NABP2: variants seen among roughly 807,000 people sequenced by gnomAD.
NABP2 encodes nucleic acid binding protein 2, also known as SOSS complex subunit B1.
NABP2 carries 7 observed loss-of-function variants against 22.7 expected under a neutral mutation model. The ratio of observed to expected loss-of-function variants is 0.31; its 90% CI spans 0.18 to 0.58. The LOEUF (loss-of-function observed/expected upper bound fraction) is 0.58, where lower values mean the gene tolerates loss of function less well. NABP2 is among the 20% of genes least tolerant of loss of function. The pLI is 0.89. For synonymous variants in NABP2, 107 were observed against 99.2 expected (o/e 1.08, Z -0.47); for missense variants, 188 against 265.9 (o/e 0.71, Z 2.04).
intron 2 of NABP2, 113 bp downstream of exon 2, chr12:56,225,048 T>C (rs1869698534): frequency 1.4e-5 from 11 of 785,488 alleles, no homozygotes; most frequent in Non-Finnish European, 2.3e-5. Flanking sequence ...TGCAAGACAC[T>C]CCTCACTCCC....
Position 56,224,910 on chromosome 12 carries a change from C to T in NABP2, c.54C>T (p.Asn18=), listed in dbSNP as rs757374730. 7 of 1,612,976 alleles carry T rather than the reference C, an allele frequency of 4.3e-6. No individual in the cohort carries two copies. In the South Asian group the frequency reaches 6.6e-5, roughly 15 times the overall value. ...KDIKPGLKNL[N]LIFIVLETGR... is the part of the protein sequence containing the mutation. ...TCAAGCCTGGGCTCAAGAATCTGAA[C>T]CTTATCTTCATTGTGCTGGAGACAG... is the stretch of plus-strand genomic sequence containing the variant. Residue 18 remains asparagine (N), a synonymous_variant, in exon 2 of 7, where the codon AAC becomes AAT. Coordinates refer to ENST00000267023, the MANE Select transcript of NABP2 (RefSeq NM_024068.4).
At chr12:56,224,541 C>T in intron 1 of NABP2, 100 bp downstream of exon 1, 1 of 1,188,136 alleles carries the variant, frequency 8.4e-7, no homozygotes, top group Non-Finnish European at 1.1e-6. Context: ...TACTCCCTGG[C>T]TGTGCACCGG....
intron 6 of NABP2, among the ~76,000 whole-genome samples, chr12:56,228,302 G>A (rs1302805045): frequency 1.3e-5 from 2 of 150,950 alleles, no homozygotes; most frequent in African/African-American, 4.9e-5. Context: ...TTTTTTTTAA[G>A]TGCCTCATAT....
At chr12:56,224,331 C>T, upstream of NABP2, 2 of 987,358 alleles carry the variant, frequency 2.0e-6, no homozygotes, top group Non-Finnish European at 2.4e-6. Flanking sequence ...GGGAAACTTC[C>T]GGGAATGTCC....
At chr12:56,225,989 A>T (rs1869742634) in intron 4 of NABP2, among the ~76,000 whole-genome samples, 190 bp from the exon 5 acceptor site, 1 of 151,820 alleles carries the variant, frequency 6.6e-6, no homozygotes, top group South Asian at 2.1e-4. Flanking sequence ...TTTTATAGGG[A>T]TGGGGTTTCG....
Position 56,229,087 on chromosome 12 carries a change from T to TTGGCCGCCCCC in NABP2, c.510_511insTGGCCGCCCCC (p.Pro171TrpfsTer66). 2 of 1,512,344 alleles carry TTGGCCGCCCCC rather than the reference T, an allele frequency of 1.3e-6. No homozygotes were observed. Among genetic ancestry groups the TTGGCCGCCCCC allele is most frequent in the Non-Finnish European group, 1.8e-6 (2 of 1,102,012 alleles). The allele number at this position is 1,512,344 out of a possible 1,614,324, so 93.7% of individuals were successfully genotyped here. A position where few individuals can be genotyped will look rare whatever the true frequency, so the allele number is the denominator to read the frequency against. On this transcript the variant is annotated frameshift_variant, in exon 7 of 7. Coordinates refer to ENST00000267023, the MANE Select transcript of NABP2 (RefSeq NM_024068.4). LOFTEE classifies it high-confidence loss of function. ...GTGGTGGCCCACATCCCCCTCATAC[T>TTGGCCGCCCCC]CCCTCCCACCCACCCAGCACCCGAA...
chr12:56,228,909 G>A (rs763408731), intron 6 of NABP2, 105 bp from the exon 7 acceptor site: 118 of 1,046,108 alleles, frequency 1.1e-4, no homozygotes, highest in Non-Finnish European at 1.6e-4. Context: ...ATGCAGTTGT[G>A]CATGGTGAAG....
Position 56,229,087 on chromosome 12 carries a change from T to TTCCCAACCC in NABP2, c.510_511insTCCCAACCC (p.Thr170_Pro171insSerGlnPro). ...GTGGTGGCCCACATCCCCCTCATAC[T>TTCCCAACCC]CCCTCCCACCCACCCAGCACCCGAA... On this transcript the variant is annotated inframe_insertion, in exon 7 of 7. Coordinates refer to ENST00000267023, the MANE Select transcript of NABP2 (RefSeq NM_024068.4). 1.3e-6 allele frequency: 2 copies of TTCCCAACCC among 1,512,346 alleles called. No individual in the cohort carries two copies. Among genetic ancestry groups the TTCCCAACCC allele is most frequent in the Non-Finnish European group, 1.8e-6 (2 of 1,102,014 alleles). The allele number at this position is 1,512,346 out of a possible 1,614,324, so 93.7% of individuals were successfully genotyped here.
chr12:56,227,045 C>G (rs982503895), intron 6 of NABP2, among the ~76,000 whole-genome samples: 9 of 147,926 alleles, frequency 6.1e-5, no homozygotes, highest in Non-Finnish European at 1.2e-4. Flanking sequence ...ATATCTTAGT[C>G]CAGTGGAGCA....
At chr12:56,223,537 A>C (rs1251276237), upstream of NABP2, 2 of 2,322 alleles carry the variant, frequency 8.6e-4, no homozygotes, top group South Asian at 0.091. Context: ...ACCCTGTTTC[A>C]AAAAAAAAAA....
rs1869662517 is a variant in NABP2, at chr12:56,224,451, G to T, written c.-24+10G>T. 1.9e-6 allele frequency: 2 copies of T among 1,035,172 alleles called. No individual in the cohort carries two copies. The highest frequency in any genetic ancestry group is 2.8e-4 in the Middle Eastern group (1 of 3,616). The allele number at this position is 1,035,172 out of a possible 1,614,324, so 64.1% of individuals were successfully genotyped here. A position where few individuals can be genotyped will look rare whatever the true frequency, so the allele number is the denominator to read the frequency against. ...CTGCCGGCTGGCTTGGGTGGGTGGT[G>T]GGCTGCGGGTAGGGGAGGGGATGGA... On this transcript the variant is annotated intron_variant, in intron 1 of 6. Transcript: ENST00000267023.
chr12:56,224,842 C>T lies in NABP2; in HGVS notation c.-15C>T. ...CTCTATTCCCCATCCAGTGGGGTGC[C>T]GAGGCTCAGGCAGCATGACGACGGA... is the stretch of plus-strand genomic sequence containing the variant. On this transcript the variant is annotated 5_prime_UTR_variant, in exon 2 of 7. Transcript: ENST00000267023. 3 of 1,613,104 alleles carry T rather than the reference C, an allele frequency of 1.9e-6. No individual in the cohort carries two copies. The highest frequency in any genetic ancestry group is 2.5e-6 in the Non-Finnish European group (3 of 1,179,764).
At chr12:56,223,779 A>G (rs1455740234), upstream of NABP2, 1 of 151,986 alleles carries the variant, frequency 6.6e-6, no homozygotes, top group Non-Finnish European at 1.5e-5. Flanking sequence ...TTTAAATATA[A>G]CTTCCGTTTT....
At chr12:56,226,557 C>CTTTTTTTTTTTTTTTT (rs10676451) in intron 6 of NABP2, 138 bp downstream of exon 6, 2 of 227,662 alleles carry the variant, frequency 8.8e-6, no homozygotes, top group Non-Finnish European at 1.5e-5. Flanking sequence ...TCCCAGACCC[C>CTTTTTTTTTTTTTTTT]TTTTTTTTTT....
At chr12:56,223,826 T>C (rs1869626743), upstream of NABP2, 1 of 152,206 alleles carries the variant, frequency 6.6e-6, no homozygotes, top group Admixed American at 6.5e-5. Context: ...TGTCTTTTTT[T>C]CCCTTTTTGT....
intron 1 of NABP2, 195 bp from the exon 2 acceptor site, chr12:56,224,639 C>A: frequency 9.5e-7 from 1 of 1,048,066 alleles, no homozygotes; most frequent in Non-Finnish European, 1.3e-6. Flanking sequence ...AGCCCCAAAG[C>A]AGCCTGTCCA....
At position 56,226,365 on chromosome 12, in the gene NABP2, G is replaced by A. The variant is rs372641205; in HGVS notation, c.382G>A (p.Asp128Asn). The A allele has an allele frequency of 5.6e-6, 9 of 1,613,868 alleles. No homozygotes were observed. The East Asian group carries it at 1.6e-4, about 28-fold the overall frequency. ...TAATCTGTGCCTTCAGGTGCAGAACGACAGCAACCCTTCAGCTTCCCAGCC... is the reference window on the plus strand; with the variant it reads ...TAATCTGTGCCTTCAGGTGCAGAACAACAGCAACCCTTCAGCTTCCCAGCC... The part of the protein sequence containing the change: ...QQAPNKAVQN[D>N]SNPSASQPTT... The change falls in exon 6 of 7, where the codon GAC (aspartate) becomes AAC (asparagine). Residue 128 changes from aspartate (D) to asparagine (N), a missense_variant. Physicochemically the swap from Asp to Asn is conservative, Grantham distance 23. Coordinates refer to ENST00000267023, the MANE Select transcript of NABP2 (RefSeq NM_024068.4).
chr12:56,227,975 C>A (rs1262413345), intron 6 of NABP2, among the ~76,000 whole-genome samples: 3 of 152,118 alleles, frequency 2.0e-5, no homozygotes, highest in Non-Finnish European at 4.4e-5. Context: ...GGTGGATCAC[C>A]TGAGGCTGGG....
chr12:56,226,981 C>A (rs1466691567), intron 6 of NABP2, among the ~76,000 whole-genome samples: 1 of 151,416 alleles, frequency 6.6e-6, no homozygotes, highest in African/African-American at 2.4e-5. Flanking sequence ...ACCTCAGCCT[C>A]CCAAAGTGCT....
Sources: gnomAD v4.1 joint callset for allele counts (sites outside exome capture counted in the v4.1 genomes callset) on GRCh38, gnomAD v4.1.1 for gene constraint, MANE v1.5 for transcripts, NCBI Gene and HGNC (gene_info 2026-07-23, HGNC 2026-07-21) for gene names.